TNS3: variants seen among roughly 807,000 people sequenced by gnomAD.
TNS3 encodes tensin 3.
Under a neutral mutation model 140.9 loss-of-function variants are expected in TNS3, and 45 were observed. That is an observed-to-expected ratio of 0.32 (90% CI 0.25 to 0.41). TNS3 has a LOEUF of 0.41. Ranked by LOEUF, TNS3 falls within the 10% of genes least tolerant of loss-of-function variation. The probability of loss-of-function intolerance (pLI) is 1.00; values close to 1 mark genes in which losing one functional copy is unlikely to be tolerated. For missense variants in TNS3, 1,716 were observed against 1,906.7 expected (o/e 0.90, Z 1.86); for synonymous variants, 815 against 788.4 (o/e 1.03, Z -0.56).
chr7:47,365,196 C>T (rs1377975240), intron 17 of TNS3, among the ~76,000 whole-genome samples: 1 of 152,084 alleles, frequency 6.6e-6, no homozygotes, highest in Non-Finnish European at 1.5e-5. Context: ...CCTGTAATCC[C>T]AGCACTTTGG....
At chr7:47,319,247 G>A (rs1470482888) in intron 20 of TNS3, among the ~76,000 whole-genome samples, 2 of 152,188 alleles carry the variant, frequency 1.3e-5, no homozygotes, top group Non-Finnish European at 2.9e-5. Context: ...GAGGGCCTCA[G>A]GAAGCTTCCA....
chr7:47,542,758 G>A lies in TNS3; in HGVS notation c.-264-13611C>T, dbSNP rs141109929. Among the ~76,000 whole-genome samples the A allele has an allele frequency of 3.7e-3, 558 of 152,032 alleles. 4 individuals are homozygous for A. The highest frequency in any genetic ancestry group is 0.013 in the African/African-American group (523 of 41,474). ...AGTCTGGCCAACATAGTGAAAACCC[G>A]TCTCTACTAAAGATACAAAAAATTA... is the stretch of plus-strand genomic sequence containing the variant. On this transcript the variant is annotated intron_variant, in intron 1 of 30. Transcript: ENST00000311160.
chr7:47,363,577 T>C (rs1434200747), intron 17 of TNS3, among the ~76,000 whole-genome samples: 1 of 152,220 alleles, frequency 6.6e-6, no homozygotes, highest in African/African-American at 2.4e-5. Flanking sequence ...TGCTGAGGTC[T>C]CTGTGACAAA....
chr7:47,524,808 C>CAAAAAAAAAAAAAAAAAAA (rs1354544006), intron 2 of TNS3, among the ~76,000 whole-genome samples: 1 of 25,266 alleles, frequency 4.0e-5, no homozygotes, highest in Non-Finnish European at 9.7e-5. Context: ...GACTCCGTCT[C>CAAAAAAAAAAAAAAAAAAA]AAGAAAAAAA....
chr7:47,506,154 G>A (rs909111597), intron 3 of TNS3, among the ~76,000 whole-genome samples: 1 of 152,112 alleles, frequency 6.6e-6, no homozygotes, highest in Non-Finnish European at 1.5e-5. Context: ...CAGTAGATGG[G>A]GCAAAACACT....
In TNS3 at chr7:47,403,331, G is replaced by A. The variant is rs112994735; in HGVS notation, c.724-2417C>T. 7.3e-3 allele frequency: 1,117 copies of A among 152,322 alleles called. 8 individuals carry two copies. The highest frequency in any genetic ancestry group is 0.012 in the Non-Finnish European group (813 of 68,064). The allele number at this position is 152,322 out of a possible 1,614,324, so 9.4% of individuals were successfully genotyped here. A position where few individuals can be genotyped will look rare whatever the true frequency, so the allele number is the denominator to read the frequency against. On this transcript the variant is annotated intron_variant, in intron 13 of 30. Coordinates refer to ENST00000311160, the MANE Select transcript of TNS3 (RefSeq NM_022748.12). Reference sequence around the variant, plus strand: ...TACAGAGTGGCAGGAGATGGGAATCGGCCTGTCCCAAACAGGTTCCTCTCC... The same window carrying A: ...TACAGAGTGGCAGGAGATGGGAATCAGCCTGTCCCAAACAGGTTCCTCTCC...
chr7:47,469,936 T>C (rs1796878230), intron 4 of TNS3, among the ~76,000 whole-genome samples: 1 of 128,522 alleles, frequency 7.8e-6, no homozygotes, highest in Admixed American at 9.5e-5. Context: ...ATTGTTCCAC[T>C]GCACTCCAGC....
At position 47,465,733 on chromosome 7, in the gene TNS3, T is replaced by A. The variant is rs770480442; in HGVS notation, c.-76+15370A>T. Among the ~76,000 whole-genome samples, 100 of 152,070 alleles carry A rather than the reference T, an allele frequency of 6.6e-4. 1 individual carries two copies. Among genetic ancestry groups the A allele is most frequent in the Non-Finnish European group, 3.5e-4 (24 of 68,026 alleles). On this transcript the variant is annotated intron_variant, in intron 4 of 30. Coordinates refer to ENST00000311160, the MANE Select transcript of TNS3 (RefSeq NM_022748.12). ...TGAGGTCAGGAGTTCGAGACAAGCC[T>A]GACCAACATGGAGAAACCCCATCTC... is the stretch of plus-strand genomic sequence containing the variant.
At chr7:47,395,521 A>C (rs574305214) in intron 16 of TNS3, among the ~76,000 whole-genome samples, 1 of 152,312 alleles carries the variant, frequency 6.6e-6, no homozygotes, top group African/African-American at 2.4e-5. Context: ...TTGTTTGATA[A>C]ATCTTATGAA....
intron 10 of TNS3, among the ~76,000 whole-genome samples, chr7:47,418,340 G>C (rs1352095954): frequency 6.6e-6 from 1 of 151,970 alleles, no homozygotes; most frequent in Non-Finnish European, 1.5e-5. Flanking sequence ...AACATAATAG[G>C]ACAGAATTGC....
chr7:47,407,728 C>T lies in TNS3; in HGVS notation c.723+3999G>A, dbSNP rs1793526364. 6.6e-6 allele frequency among the ~76,000 whole-genome samples: 1 copy of T among 152,118 alleles called. No individual in the cohort carries two copies. Among genetic ancestry groups the T allele is most frequent in the Admixed American group, 6.5e-5 (1 of 15,286 alleles). On this transcript the variant is annotated intron_variant, in intron 13 of 30. Coordinates refer to ENST00000311160, the MANE Select transcript of TNS3 (RefSeq NM_022748.12). The surrounding 1 kb of genome is among the most constrained non-coding windows in gnomAD (Gnocchi z 4.1). Reference sequence around the variant, plus strand: ...TAGGCTGGGCCCGAATGAATGATAACTGGTGTCCTTGTAAGAAGAGATGAG... The same window carrying T: ...TAGGCTGGGCCCGAATGAATGATAATTGGTGTCCTTGTAAGAAGAGATGAG...
At chr7:47,490,142 C>T (rs779992677) in intron 3 of TNS3, among the ~76,000 whole-genome samples, 21 of 152,124 alleles carry the variant, frequency 1.4e-4, no homozygotes, top group Non-Finnish European at 2.8e-4. Context: ...CATTATAATG[C>T]CAAGGACCAA....
chr7:47,552,181 A>G (rs1462518289), intron 1 of TNS3, among the ~76,000 whole-genome samples: 3 of 152,026 alleles, frequency 2.0e-5, no homozygotes, highest in African/African-American at 7.3e-5. Context: ...AATAACAGGG[A>G]TTTAACAAAT....
intron 4 of TNS3, among the ~76,000 whole-genome samples, chr7:47,443,300 G>A (rs1007603633): frequency 6.6e-6 from 1 of 152,148 alleles, no homozygotes; most frequent in Non-Finnish European, 1.5e-5. Flanking sequence ...GCCTGGCACC[G>A]CATGGCCACT....
At chr7:47,544,349 C>T (rs953226357) in intron 1 of TNS3, among the ~76,000 whole-genome samples, 2 of 152,122 alleles carry the variant, frequency 1.3e-5, no homozygotes, top group Non-Finnish European at 2.9e-5. Context: ...TAAAACGGAC[C>T]CCCACAGCTA....
At chr7:47,498,405 G>C (rs1212131077) in intron 3 of TNS3, among the ~76,000 whole-genome samples, 1 of 152,184 alleles carries the variant, frequency 6.6e-6, no homozygotes, top group Non-Finnish European at 1.5e-5. Flanking sequence ...TCCTGCCCAG[G>C]ACACAGATAC....
At chr7:47,411,595 C>T (rs1411101766) in intron 13 of TNS3, 132 bp downstream of exon 13, 7 of 940,728 alleles carry the variant, frequency 7.4e-6, no homozygotes, top group East Asian at 2.7e-5. Context: ...GTAAAAGCTA[C>T]TTTTCCTTCT....
rs970746716 is a variant in TNS3, at chr7:47,554,585, T to C, written c.-264-25438A>G. 2.6e-5 allele frequency among the ~76,000 whole-genome samples: 4 copies of C among 152,150 alleles called. No individual in the cohort carries two copies. The East Asian group carries it at 7.7e-4, about 29-fold the overall frequency. On this transcript the variant is annotated intron_variant, in intron 1 of 30. Coordinates refer to ENST00000311160, the MANE Select transcript of TNS3 (RefSeq NM_022748.12). ...TGATCTTGAGGGTTCAAGACTTCAG[T>C]GAAGAAAGGAGCTGCAAATGTGCTG... is the stretch of plus-strand genomic sequence containing the variant.
At chr7:47,307,494 G>A (rs974967617) in intron 20 of TNS3, among the ~76,000 whole-genome samples, 2 of 152,158 alleles carry the variant, frequency 1.3e-5, no homozygotes, top group African/African-American at 4.8e-5. Flanking sequence ...ACCTAGGGAT[G>A]GAATGGCTGG....
Sources: gnomAD v4.1 joint callset for allele counts (sites outside exome capture counted in the v4.1 genomes callset) on GRCh38, gnomAD v4.1.1 for gene constraint, Gnocchi (gnomAD v3.1) non-coding constraint, MANE v1.5 for transcripts, NCBI Gene and HGNC (gene_info 2026-07-23, HGNC 2026-07-21) for gene names.